The following ENOX1 variants were observed in gnomAD, a reference collection of about 807,000 sequenced individuals.
ENOX1 encodes the protein candidate growth-related and time keeping constitutive hydroquinone (NADH) oxidase.
ENOX1 carries 42 observed loss-of-function variants against 82.5 expected under a neutral mutation model. That is an observed-to-expected ratio of 0.51 (90% CI 0.40 to 0.66). The LOEUF (loss-of-function observed/expected upper bound fraction) is 0.66, where lower values mean the gene tolerates loss of function less well. Ranked by LOEUF, ENOX1 falls within the 30% of genes least tolerant of loss-of-function variation. The probability of loss-of-function intolerance (pLI) is 0.00; values close to 1 mark genes in which losing one functional copy is unlikely to be tolerated. For synonymous variants in ENOX1, 271 were observed against 282.2 expected (o/e 0.96, Z 0.40); for missense variants, 608 against 811.6 (o/e 0.75, Z 3.05).
chr13:43,543,471 T>A (rs763360442), intron 2 of ENOX1, among the ~76,000 whole-genome samples: 1 of 152,072 alleles, frequency 6.6e-6, no homozygotes, highest in Admixed American at 6.6e-5. Flanking sequence ...TGATTTATCA[T>A]ATAAAATGCT....
rs554840132 is a variant in ENOX1 at position 43,249,176 on chromosome 13, AT to A, written c.1612-12439del. On this transcript the variant is annotated intron_variant, in intron 14 of 16. Coordinates refer to ENST00000690772, the MANE Select transcript of ENOX1 (RefSeq NM_001347969.2). ...ATGATCTAAAAATGAGAAAAAAAAA[AT>A]TCCTTTGTATCCAGTAACCCCATTC... Among the ~76,000 whole-genome samples, 710 of 148,178 alleles carry A rather than the reference AT, an allele frequency of 4.8e-3. 8 individuals are homozygous for A. The highest frequency in any genetic ancestry group is 0.017 in the African/African-American group (677 of 40,430).
chr13:43,585,266 A>C (rs1297943004), intron 2 of ENOX1, among the ~76,000 whole-genome samples: 2 of 152,230 alleles, frequency 1.3e-5, no homozygotes, highest in Non-Finnish European at 2.9e-5. Context: ...CTAGAAGAGG[A>C]AAGAAAAGGT....
At chr13:43,689,433 A>G (rs2086239471) in intron 1 of ENOX1, among the ~76,000 whole-genome samples, 2 of 152,244 alleles carry the variant, frequency 1.3e-5, no homozygotes, top group Admixed American at 1.3e-4. Flanking sequence ...CAATGTATGT[A>G]GAAATGTGAG....
intron 11 of ENOX1, among the ~76,000 whole-genome samples, chr13:43,315,005 A>C (rs1411821392): frequency 6.6e-6 from 1 of 152,222 alleles, no homozygotes; most frequent in Non-Finnish European, 1.5e-5. Flanking sequence ...ACTTTTAACA[A>C]AGGCTTGCTT....
At chr13:43,224,440 A>G (rs1199027001) in intron 15 of ENOX1, among the ~76,000 whole-genome samples, 6 of 152,220 alleles carry the variant, frequency 3.9e-5, no homozygotes, top group African/African-American at 1.4e-4. Flanking sequence ...TACCAATTTT[A>G]TGCTTGATTT....
At position 43,786,294 on chromosome 13, in the gene ENOX1, T is replaced by C. The variant is rs1037400678; in HGVS notation, c.-285+358A>G. 6.6e-6 allele frequency among the ~76,000 whole-genome samples: 1 copy of C among 151,894 alleles called. No individual in the cohort carries two copies. On this transcript the variant is annotated intron_variant, in intron 1 of 16. Coordinates refer to ENST00000690772, the MANE Select transcript of ENOX1 (RefSeq NM_001347969.2). This position sits in a 1 kb window ranked among gnomAD's most constrained non-coding sequence, Gnocchi z 6.0. ...AGGGGGAGACGGGTGCGGGGTGCGC[T>C]GTCCAAGGTGCAGGGGAGGTGACTG...
At chr13:43,627,874 C>A (rs2083034059) in intron 2 of ENOX1, among the ~76,000 whole-genome samples, 1 of 151,998 alleles carries the variant, frequency 6.6e-6, no homozygotes, top group Admixed American at 6.6e-5. Flanking sequence ...AAGGATAATT[C>A]CACTGGGTTT....
chr13:43,315,278 C>T lies in ENOX1; in HGVS notation c.1261+7106G>A, dbSNP rs540947646. ...TTTAAAATGTTACATGCTGCTAGAG[C>T]GCAATGAGGTGACCTACTGAAAGTG... On this transcript the variant is annotated intron_variant, in intron 11 of 16. Transcript: ENST00000690772. Among the ~76,000 whole-genome samples the T allele has an allele frequency of 2.0e-4, 30 of 152,282 alleles. No homozygotes were observed. In the South Asian group the frequency reaches 4.3e-3, roughly 22 times the overall value.
intron 3 of ENOX1, among the ~76,000 whole-genome samples, chr13:43,444,176 T>A (rs2056505843): frequency 6.6e-6 from 1 of 152,204 alleles, no homozygotes; most frequent in Non-Finnish European, 1.5e-5. Context: ...CCCTTTTCAG[T>A]CTGCTTAAAA....
At chr13:43,258,967 G>A (rs1430753438) in intron 14 of ENOX1, among the ~76,000 whole-genome samples, 1 of 152,194 alleles carries the variant, frequency 6.6e-6, no homozygotes. Context: ...ATGAGGACAT[G>A]GAGTCAGCTC....
intron 3 of ENOX1, among the ~76,000 whole-genome samples, chr13:43,415,091 A>C (rs540679857): frequency 1.4e-4 from 22 of 152,260 alleles, no homozygotes; most frequent in Admixed American, 2.6e-4. Context: ...GTTTCATTGA[A>C]AACAGTAAGC....
At chr13:43,392,338 TAATA>T (rs2153582646) in intron 5 of ENOX1, among the ~76,000 whole-genome samples, 1 of 152,270 alleles carries the variant, frequency 6.6e-6, no homozygotes. Flanking sequence ...AAAACATGGT[TAATA>T]AATATGGGAG....
intron 12 of ENOX1, among the ~76,000 whole-genome samples, chr13:43,285,851 C>A (rs2045670903): frequency 1.5e-5 from 2 of 136,674 alleles, no homozygotes; most frequent in Non-Finnish European, 3.2e-5. Flanking sequence ...CCCCCCTCTT[C>A]TTCTTTCTTC....
At chr13:43,325,280 C>T (rs973219818) in intron 10 of ENOX1, among the ~76,000 whole-genome samples, 20 of 152,204 alleles carry the variant, frequency 1.3e-4, no homozygotes, top group African/African-American at 4.6e-4. Flanking sequence ...TCACCAACCA[C>T]CGTAGGCATT....
chr13:43,247,871 A>T (rs865951460), intron 14 of ENOX1, among the ~76,000 whole-genome samples: 1,168 of 3,746 alleles, frequency 0.31, 149 homozygotes, highest in East Asian at 0.37. Context: ...ATATATATAT[A>T]TATATATATA....
At chr13:43,657,774 A>C (rs550927575) in intron 2 of ENOX1, among the ~76,000 whole-genome samples, 13 of 152,212 alleles carry the variant, frequency 8.5e-5, no homozygotes, top group Non-Finnish European at 1.8e-4. Context: ...ATCGTCTTTT[A>C]CTGGCATCCA....
At chr13:43,403,215 G>A (rs1003637063) in intron 5 of ENOX1, among the ~76,000 whole-genome samples, 22 of 152,136 alleles carry the variant, frequency 1.4e-4, no homozygotes, top group African/African-American at 5.3e-4. Flanking sequence ...ATCAAGAGGT[G>A]CAAACTGGAA....
intron 1 of ENOX1, among the ~76,000 whole-genome samples, chr13:43,743,354 A>G (rs540555840): frequency 6.6e-6 from 1 of 152,308 alleles, no homozygotes; most frequent in South Asian, 2.1e-4. Context: ...GATAGATAGA[A>G]ATTCAGGAAC....
chr13:43,746,124 A>G (rs903614598), intron 1 of ENOX1, among the ~76,000 whole-genome samples: 18 of 152,194 alleles, frequency 1.2e-4, no homozygotes, highest in African/African-American at 4.1e-4. Flanking sequence ...AGAAAAATAC[A>G]TATGGTATAA....
Sources: allele counts gnomAD v4.1 joint callset (sites outside exome capture counted in the v4.1 genomes callset), GRCh38; gene constraint gnomAD v4.1.1; non-coding constraint Gnocchi (gnomAD v3.1); transcripts MANE v1.5; gene names NCBI Gene and HGNC (gene_info 2026-07-23, HGNC 2026-07-21).